The following SCD5 variants were observed in gnomAD, a reference collection of about 807,000 sequenced individuals.
SCD5 encodes the protein stearoyl-CoA desaturase 5.
Under a neutral mutation model 30.4 loss-of-function variants are expected in SCD5, and 20 were observed. The observed-to-expected ratio is 0.66, with a 90% CI of 0.46 to 0.96. SCD5 has a LOEUF of 0.96. Among genes scored for constraint, SCD5 ranks in the 40% least tolerant of loss-of-function variants. The pLI is 0.00. For synonymous variants in SCD5, 173 were observed against 176.4 expected (o/e 0.98, Z 0.16); for missense variants, 381 against 443.3 (o/e 0.86, Z 1.26).
chr4:82,744,366 T>C (rs987994423), intron 1 of SCD5, among the ~76,000 whole-genome samples: 2 of 152,182 alleles, frequency 1.3e-5, no homozygotes, highest in Non-Finnish European at 2.9e-5. Flanking sequence ...TTTACTCAGG[T>C]ACAAAAAGTC....
intron 2 of SCD5, among the ~76,000 whole-genome samples, chr4:82,682,382 C>G (rs899486249): frequency 1.8e-5 from 1 of 54,594 alleles, no homozygotes; most frequent in Non-Finnish European, 4.3e-5. Context: ...GATCTACAGA[C>G]GTTTTTTTAC....
At chr4:82,676,177 T>A (rs915923263) in intron 3 of SCD5, among the ~76,000 whole-genome samples, 2 of 152,156 alleles carry the variant, frequency 1.3e-5, no homozygotes, top group African/African-American at 4.8e-5. Context: ...AGAATGAAAG[T>A]CCCCTGCTGA....
chr4:82,745,634 G>A (rs1211505427), intron 1 of SCD5, among the ~76,000 whole-genome samples: 2 of 152,142 alleles, frequency 1.3e-5, no homozygotes, highest in African/African-American at 4.8e-5. Flanking sequence ...GCACCCATTA[G>A]CTATTCTTCC....
In SCD5 at chr4:82,770,670, C is replaced by T. The variant is rs188146681; in HGVS notation, c.232+27636G>A. Among the ~76,000 whole-genome samples, 4 of 152,344 alleles carry T rather than the reference C, an allele frequency of 2.6e-5. No homozygotes were observed. The East Asian group carries it at 5.8e-4, about 22-fold the overall frequency. ...CAGTGTAGCCAAGGCTGCCAGGGCT[C>T]TGCACATGTCCCCTTGGCTCTTACC... On this transcript the variant is annotated intron_variant, in intron 1 of 4. Transcript: ENST00000319540.
chr4:82,640,568 G>A (rs1727521521), intron 3 of SCD5, among the ~76,000 whole-genome samples: 1 of 152,200 alleles, frequency 6.6e-6, no homozygotes, highest in South Asian at 2.1e-4. Flanking sequence ...CCAGTGAGAT[G>A]GGTCTGGATG....
intron 1 of SCD5, chr4:82,753,467 G>C (rs374379780): frequency 2.0e-6 from 1 of 494,222 alleles, no homozygotes; most frequent in South Asian, 1.5e-5. Flanking sequence ...AGTCACGCGG[G>C]TGGACTCTGA....
At chr4:82,678,525 A>G (rs6535374) in intron 3 of SCD5, among the ~76,000 whole-genome samples, 121,911 of 152,096 alleles carry the variant, frequency 0.8, 49,068 homozygotes, top group Middle Eastern at 0.86. Flanking sequence ...TGATTGTCCC[A>G]AAGTATTATT....
At chr4:82,748,396 G>C (rs1474033999) in intron 1 of SCD5, among the ~76,000 whole-genome samples, 3 of 152,106 alleles carry the variant, frequency 2.0e-5, no homozygotes, top group African/African-American at 7.2e-5. Context: ...TGTTTCTTTG[G>C]ACCAGCTGGA....
chr4:82,675,851 C>T (rs1383995415), intron 3 of SCD5, among the ~76,000 whole-genome samples: 1 of 152,220 alleles, frequency 6.6e-6, no homozygotes, highest in African/African-American at 2.4e-5. Context: ...GATGACAAAT[C>T]GCTCTGCTTA....
At chr4:82,664,849 T>C (rs2135505) in intron 3 of SCD5, among the ~76,000 whole-genome samples, 1 of 150,900 alleles carries the variant, frequency 6.6e-6, no homozygotes, top group East Asian at 1.9e-4. Flanking sequence ...GAAGAAGCCA[T>C]GCATTGTGGC....
chr4:82,687,156 G>A lies in SCD5; in HGVS notation c.364-6244C>T, dbSNP rs1466351634. Among the ~76,000 whole-genome samples the A allele has an allele frequency of 3.9e-5, 5 of 129,232 alleles. No homozygotes were observed. In the East Asian group the frequency reaches 1.1e-3, roughly 30 times the overall value. 84.8% of individuals were successfully genotyped at this position (129,232 alleles called of 152,430 possible). Reference sequence around the variant, plus strand: ...ACTGCACTCCAGCCTGGGCAACAGAGTAAGACCTTGTTACAAGAAAAAAAA... The same window carrying A: ...ACTGCACTCCAGCCTGGGCAACAGAATAAGACCTTGTTACAAGAAAAAAAA... On this transcript the variant is annotated intron_variant, in intron 2 of 4. Transcript: ENST00000319540.
intron 3 of SCD5, among the ~76,000 whole-genome samples, chr4:82,651,346 T>C (rs1727746650): frequency 6.6e-6 from 1 of 152,122 alleles, no homozygotes; most frequent in African/African-American, 2.4e-5. Context: ...AGACTGTTAC[T>C]CTAAGTGAAG....
At position 82,705,192 on chromosome 4, in the gene SCD5, G is replaced by A. The variant is rs1219525071; in HGVS notation, c.363+91C>T. On this transcript the variant is annotated intron_variant, in intron 2 of 4. Coordinates refer to ENST00000319540, the MANE Select transcript of SCD5 (RefSeq NM_001037582.3). ...GGGCCTGAACACTGAGTCTAGGACA[G>A]GGGTGGAGGGGTGTCAGCCCATCTT... is the stretch of plus-strand genomic sequence containing the variant. 7.3e-6 allele frequency: 11 copies of A among 1,502,586 alleles called. No individual in the cohort carries two copies. In the Admixed American group the frequency reaches 1.6e-4, roughly 22 times the overall value. 93.1% of individuals were successfully genotyped at this position (1,502,586 alleles called of 1,614,324 possible). A position where few individuals can be genotyped will look rare whatever the true frequency, so the allele number is the denominator to read the frequency against.
At chr4:82,661,082 T>TA (rs768264971) in intron 3 of SCD5, 10 of 1,612,150 alleles carry the variant, frequency 6.2e-6, no homozygotes, top group African/African-American at 4.0e-5. Context: ...TGTGTACTGA[T>TA]AAAAAATAAA....
rs1323674445 is a variant in SCD5 at position 82,712,668 on chromosome 4, A to G, written c.233-7255T>C. Among the ~76,000 whole-genome samples the G allele has an allele frequency of 2.0e-5, 3 of 152,208 alleles. No homozygotes were observed. In the East Asian group the frequency reaches 5.8e-4, roughly 29 times the overall value. On this transcript the variant is annotated intron_variant, in intron 1 of 4. Transcript: ENST00000319540. ...GCAGGTGCTGATGCTGCTGGCCCAG[A>G]GTCCCTGAGTGTTTCTCTGACCAGC...
chr4:82,735,726 C>T (rs1720736211), intron 1 of SCD5, among the ~76,000 whole-genome samples: 1 of 152,190 alleles, frequency 6.6e-6, no homozygotes, highest in African/African-American at 2.4e-5. Context: ...GTTTTTATTA[C>T]CGAAATGCAT....
chr4:82,704,032 C>G (rs1719915657), intron 2 of SCD5, among the ~76,000 whole-genome samples: 1 of 152,218 alleles, frequency 6.6e-6, no homozygotes, highest in African/African-American at 2.4e-5. Context: ...AGTACTAATA[C>G]CTGATGTGCT....
At chr4:82,640,505 G>C (rs1265274603) in intron 3 of SCD5, among the ~76,000 whole-genome samples, 1 of 152,224 alleles carries the variant, frequency 6.6e-6, no homozygotes, top group Admixed American at 6.5e-5. Flanking sequence ...ATGTTCAGTA[G>C]AATGGATGAA....
chr4:82,752,563 A>T (rs1721127552), intron 1 of SCD5, among the ~76,000 whole-genome samples: 1 of 152,148 alleles, frequency 6.6e-6, no homozygotes, highest in Non-Finnish European at 1.5e-5. Context: ...GAGGAGATGG[A>T]ATCTTCCAGC....
Sources: allele counts gnomAD v4.1 joint callset (sites outside exome capture counted in the v4.1 genomes callset), GRCh38; gene constraint gnomAD v4.1.1; transcripts MANE v1.5; gene names NCBI Gene and HGNC (gene_info 2026-07-23, HGNC 2026-07-21).